CD2: variants seen among roughly 807,000 people sequenced by gnomAD.
CD2 encodes the protein CD2 molecule.
A neutral mutation model predicts 23.2 loss-of-function variants in CD2; 18 were observed. That is an observed-to-expected ratio of 0.77 (90% CI 0.54 to 1.15). CD2 has a LOEUF of 1.15. Ranked by LOEUF, CD2 falls within the 50% of genes most tolerant of loss-of-function variation. CD2 has a pLI of 0.00. For missense variants in CD2, 424 were observed against 423.1 expected, an observed-to-expected ratio of 1.00 and a Z score of -0.02; for synonymous variants, 162 against 151.9, an observed-to-expected ratio of 1.07 and a Z score of -0.49.
intron 4 of CD2, among the ~76,000 whole-genome samples, chr1:116,767,254 G>A (rs1327703069): frequency 2.0e-5 from 3 of 152,168 alleles, no homozygotes; most frequent in Non-Finnish European, 4.4e-5. Flanking sequence ...GATGCTTAGA[G>A]AGGGCTTGTG....
Position 116,768,681 on chromosome 1 carries a change from A to C in CD2, c.954A>C (p.Thr318=). 1 of 1,614,134 alleles carries C rather than the reference A, an allele frequency of 6.2e-7. No individual in the cohort carries two copies. Among genetic ancestry groups the C allele is most frequent in the East Asian group, 2.2e-5 (1 of 44,864 alleles). ...PQKRPPAPSG[T]QVHQQKGPPL... is the part of the protein sequence containing the mutation. Reference sequence around the variant, plus strand: ...AGAGGCCTCCTGCTCCGTCGGGCACACAAGTTCACCAGCAGAAAGGCCCGC... The same window carrying C: ...AGAGGCCTCCTGCTCCGTCGGGCACCCAAGTTCACCAGCAGAAAGGCCCGC... The change falls in exon 5 of 5, where the codon ACA becomes ACC. Residue 318 remains threonine, a synonymous_variant. Transcript: ENST00000369478.
At chr1:116,768,021 G>A (rs1652267541) in intron 4 of CD2, among the ~76,000 whole-genome samples, 1 of 152,132 alleles carries the variant, frequency 6.6e-6, no homozygotes, top group Admixed American at 6.5e-5. Context: ...AGTAGAATTG[G>A]GGGAAAGGCA....
At chr1:116,754,601 G>A (rs931745930) in intron 1 of CD2, 30 bp from the exon 2 acceptor site, 3 of 1,608,726 alleles carry the variant, frequency 1.9e-6, no homozygotes, top group Non-Finnish European at 2.5e-6. Context: ...CCCTGAAAGT[G>A]ACTCTCAGTA....
In CD2 at chr1:116,768,808, A is replaced by G. The variant is rs1357436756; in HGVS notation, c.*25A>G. The G allele has an allele frequency of 1.3e-6, 2 of 1,587,680 alleles. No homozygotes were observed. Among genetic ancestry groups the G allele is most frequent in the Admixed American group, 1.8e-5 (1 of 57,082 alleles). On this transcript the variant is annotated 3_prime_UTR_variant, in exon 5 of 5. Transcript: ENST00000369478. ...AAAAAGATAGAAACTGTCTTTTTCA[A>G]TAAAAAGCACTGTGGATTTCTGCCC...
Position 116,767,067 on chromosome 1 carries a change from A to T in CD2, c.737-1397A>T, listed in dbSNP as rs144413486. On this transcript the variant is annotated intron_variant, in intron 4 of 4. Transcript: ENST00000369478. Reference sequence around the variant, plus strand: ...CAGGGCACGGAAGATGGCATAGAGGATGTGTTTTGTCCTTTCTGGAGGCCC... The same window carrying T: ...CAGGGCACGGAAGATGGCATAGAGGTTGTGTTTTGTCCTTTCTGGAGGCCC... 1.4e-3 allele frequency among the ~76,000 whole-genome samples: 220 copies of T among 152,178 alleles called. 2 individuals carry two copies. Among genetic ancestry groups the T allele is most frequent in the African/African-American group, 5.0e-3 (208 of 41,530 alleles).
intron 4 of CD2, among the ~76,000 whole-genome samples, chr1:116,767,548 A>T (rs903936006): frequency 6.6e-6 from 1 of 150,666 alleles, no homozygotes; most frequent in Non-Finnish European, 1.5e-5. Flanking sequence ...CCAAGATCGC[A>T]CCATTGCACT....
chr1:116,766,489 A>C (rs563889579), intron 4 of CD2, among the ~76,000 whole-genome samples: 9 of 152,326 alleles, frequency 5.9e-5, no homozygotes, highest in African/African-American at 2.2e-4. Context: ...TCCTGAGGAC[A>C]ATTTGTGTCT....
intron 2 of CD2, among the ~76,000 whole-genome samples, chr1:116,758,164 G>A (rs538961597): frequency 5.3e-4 from 81 of 152,112 alleles, no homozygotes; most frequent in Admixed American, 1.5e-3. Context: ...GAGTGGTGGC[G>A]TTGTGGGTAA....
At chr1:116,763,732 C>A (rs912807303) in intron 3 of CD2, among the ~76,000 whole-genome samples, 9 of 152,270 alleles carry the variant, frequency 5.9e-5, no homozygotes, top group Admixed American at 1.3e-4. Flanking sequence ...CAGCTCCTGC[C>A]TAAAAAAGCC....
At position 116,754,560 on chromosome 1, in the gene CD2, A is replaced by G. The variant is rs199802133; in HGVS notation, c.61+7A>G. 304 of 1,613,114 alleles carry G rather than the reference A, an allele frequency of 1.9e-4. No homozygotes were observed. The highest frequency in any genetic ancestry group is 2.5e-4 in the Non-Finnish European group (292 of 1,179,762). ...TTCAATGTTTCTTCCAAAGGTAAGC[A>G]TAAGAGTCAAAGAAGTCCCAACCCA... On this transcript the variant is annotated splice_region_variant and intron_variant, in intron 1 of 4. Transcript: ENST00000369478.
intron 4 of CD2, among the ~76,000 whole-genome samples, chr1:116,766,314 C>T (rs775648382): frequency 3.9e-5 from 6 of 152,228 alleles, no homozygotes; most frequent in Non-Finnish European, 7.3e-5. Flanking sequence ...CGTAGCCAAC[C>T]TTGTCTGTCC....
chr1:116,761,264 G>C (rs925051860), intron 3 of CD2, among the ~76,000 whole-genome samples: 1 of 152,238 alleles, frequency 6.6e-6, no homozygotes. Context: ...GTATTTCTGA[G>C]AGGCAGCCTT....
chr1:116,767,858 G>T (rs191802873), intron 4 of CD2, among the ~76,000 whole-genome samples: 5 of 152,154 alleles, frequency 3.3e-5, no homozygotes, highest in Non-Finnish European at 7.4e-5. Flanking sequence ...GTCACACAAA[G>T]AAGAAAATCC....
At chr1:116,762,754 T>G (rs566585876) in intron 3 of CD2, among the ~76,000 whole-genome samples, 76 of 152,350 alleles carry the variant, frequency 5.0e-4, no homozygotes, top group African/African-American at 1.7e-3. Flanking sequence ...GGAGGGCATA[T>G]TTTTGACTGA....
chr1:116,756,989 CTCT>C (rs555950375), intron 2 of CD2, among the ~76,000 whole-genome samples: 16,962 of 144,312 alleles, frequency 0.12, 1,067 homozygotes, highest in Middle Eastern at 0.21. Flanking sequence ...CTCCAAGCTT[CTCT>C]TTTTTTTTTT....
In CD2 at chr1:116,768,580, C is replaced by CCACCTGGTCATCGTTCCCAGG. The variant is rs1178797903; in HGVS notation, c.859_879dup (p.Gly287_Pro293dup). 2 of 1,614,142 alleles carry CCACCTGGTCATCGTTCCCAGG rather than the reference C, an allele frequency of 1.2e-6. No individual in the cohort carries two copies. The highest frequency in any genetic ancestry group is 2.7e-5 in the African/African-American group (2 of 75,006). ...AGCAACTTCCCAACATCCTCCTCCA[C>CCACCTGGTCATCGTTCCCAGG]CACCTGGTCATCGTTCCCAGGCACC... On this transcript the variant is annotated inframe_insertion, in exon 5 of 5. Transcript: ENST00000369478.
chr1:116,765,715 TTCTCCATGCTCC>T (rs1553230190), intron 4 of CD2, among the ~76,000 whole-genome samples: 3 of 152,224 alleles, frequency 2.0e-5, no homozygotes, highest in African/African-American at 7.2e-5. Context: ...GCTCTGGCTG[TTCTCCATGCTCC>T]TCTCCATGCT....
chr1:116,757,225 G>C (rs1485774653), intron 2 of CD2, among the ~76,000 whole-genome samples: 2 of 152,016 alleles, frequency 1.3e-5, no homozygotes, highest in African/African-American at 2.4e-5. Context: ...TCAAACTCCT[G>C]ACCTCAGGGG....
intron 4 of CD2, among the ~76,000 whole-genome samples, chr1:116,766,113 A>G (rs1334680751): frequency 6.6e-6 from 1 of 152,248 alleles, no homozygotes; most frequent in Non-Finnish European, 1.5e-5. Flanking sequence ...TTTAAACTGC[A>G]TGCCTGTCAG....
Sources: gnomAD v4.1 joint callset for allele counts (sites outside exome capture counted in the v4.1 genomes callset) on GRCh38, gnomAD v4.1.1 for gene constraint, MANE v1.5 for transcripts, NCBI Gene and HGNC (gene_info 2026-07-23, HGNC 2026-07-21) for gene names.